SHOX: variants seen among roughly 807,000 people sequenced by gnomAD.
SHOX encodes SHOX homeobox.
SHOX carries 12 observed loss-of-function variants against 29.6 expected under a neutral mutation model. That is an observed-to-expected ratio of 0.41 (90% confidence interval 0.26 to 0.66). The LOEUF is 0.66. SHOX is among the 30% of genes least tolerant of loss of function. The pLI is 0.35. For synonymous variants in SHOX, 214 were observed against 200.6 expected (o/e 1.07, Z -0.57); for missense variants, 499 against 437.7 (o/e 1.14, Z -1.25).
At chrX:632,178 C>T (rs544848713) in intron 1 of SHOX, among the ~76,000 whole-genome samples, 1 of 152,114 alleles carries the variant, frequency 6.6e-6, no homozygotes, top group South Asian at 2.1e-4. Context: ...GGGAAGCTGG[C>T]GGCTTCGCGG....
chrX:644,641 C>T lies in SHOX; in HGVS notation c.*5C>T, dbSNP rs1288254860. The T allele has an allele frequency of 1.5e-5, 22 of 1,457,674 alleles. No individual in the cohort carries two copies. The highest frequency in any genetic ancestry group is 2.0e-5 in the Non-Finnish European group (22 of 1,113,792). The allele number at this position is 1,457,674 out of a possible 1,614,324, so 90.3% of individuals were successfully genotyped here. A position where few individuals can be genotyped will look rare whatever the true frequency, so the allele number is the denominator to read the frequency against. On this transcript the variant is annotated 3_prime_UTR_variant, in exon 5 of 5. Coordinates refer to ENST00000686671, the MANE Select transcript of SHOX (RefSeq NM_000451.4). Reference sequence around the variant, plus strand: ...GCGGAGGCCCTGGGGCTCTGACCCGCCGCGCAGCCCCCCGCGCGCCCGGAC... The same window carrying T: ...GCGGAGGCCCTGGGGCTCTGACCCGTCGCGCAGCCCCCCGCGCGCCCGGAC...
upstream of SHOX, among the ~76,000 whole-genome samples, chrX:628,459 ATC>A (rs1180069815): frequency 3.8e-5 from 1 of 26,104 alleles, no homozygotes; most frequent in Admixed American, 3.7e-4. Flanking sequence ...CTCTCTCTCC[ATC>A]TCTCTCTGTC....
chrX:652,400 G>A (rs1314782248), downstream of SHOX, among the ~76,000 whole-genome samples: 2 of 132,494 alleles, frequency 1.5e-5, no homozygotes, highest in Non-Finnish European at 1.5e-5. Context: ...GTTCATGATT[G>A]GATTTGGCCG....
downstream of SHOX, among the ~76,000 whole-genome samples, chrX:655,600 C>G (rs1603291606): frequency 1.8e-5 from 1 of 54,212 alleles, no homozygotes; most frequent in Non-Finnish European, 3.3e-5. Flanking sequence ...CTCTCTCTCT[C>G]TCTCTCTCTC....
intron 1 of SHOX, among the ~76,000 whole-genome samples, chrX:633,740 C>G (rs1375743310): frequency 6.6e-6 from 1 of 152,040 alleles, no homozygotes; most frequent in Non-Finnish European, 1.5e-5. Flanking sequence ...GAGATAGGAA[C>G]AGAGGGGCGT....
At chrX:632,124 T>G in intron 1 of SHOX, 1 of 389,572 alleles carries the variant, frequency 2.6e-6, no homozygotes, top group East Asian at 7.3e-5. Context: ...ACCACTCCCG[T>G]GAGCGGAGGT....
chrX:652,125 G>C (rs192512016), downstream of SHOX, among the ~76,000 whole-genome samples: 729 of 151,988 alleles, frequency 4.8e-3, 5 homozygotes, highest in Non-Finnish European at 7.1e-3. Context: ...GGGTTTCACC[G>C]TGTTGGTCAG....
rs749882186 is a variant in SHOX at position 637,714 on chromosome X, G to A, written c.486+2888G>A. Among the ~76,000 whole-genome samples, 4 of 152,182 alleles carry A rather than the reference G, an allele frequency of 2.6e-5. No homozygotes were observed. The South Asian group carries it at 6.2e-4, about 24-fold the overall frequency. ...CACCCACGTCCCGCGTTGAGGGGAC[G>A]GGGACGAGCAGGGACAGAAAAAGAA... On this transcript the variant is annotated intron_variant, in intron 2 of 4. Coordinates refer to ENST00000686671, the MANE Select transcript of SHOX (RefSeq NM_000451.4).
chrX:624,355 G>T (rs3813940), exon 1 of SHOX: 32,386 of 150,234 alleles, frequency 0.22, 3,681 homozygotes, highest in East Asian at 0.39. Context: ...GCCTGCTTTT[G>T]CCCGGGTCCT....
Position 639,132 on chromosome X carries a change from A to G in SHOX, c.487-1689A>G, listed in dbSNP as rs150441982. On this transcript the variant is annotated intron_variant, in intron 2 of 4. Coordinates refer to ENST00000686671, the MANE Select transcript of SHOX (RefSeq NM_000451.4). ...GGAGGTGAGAGGGGGTGGAATTTGC[A>G]TGCAAATCTTCACATGAGGCCTGTG... is the stretch of plus-strand genomic sequence containing the variant. Among the ~76,000 whole-genome samples the G allele has an allele frequency of 3.3e-3, 501 of 152,276 alleles. 4 individuals carry two copies. Among genetic ancestry groups the G allele is most frequent in the African/African-American group, 0.012 (485 of 41,552 alleles).
At chrX:625,643 G>A (rs2052513482) in intron 1 of SHOX, among the ~76,000 whole-genome samples, 1 of 138,450 alleles carries the variant, frequency 7.2e-6, no homozygotes, top group African/African-American at 2.8e-5. Flanking sequence ...CTCTATCTCT[G>A]TCTCTCTTTC....
At chrX:653,795 G>A (rs1244543317), downstream of SHOX, among the ~76,000 whole-genome samples, 1 of 152,052 alleles carries the variant, frequency 6.6e-6, no homozygotes, top group Non-Finnish European at 1.5e-5. Flanking sequence ...GCTTCTGTTG[G>A]TGTTAGACTT....
At position 634,704 on chromosome X, in the gene SHOX, A is replaced by G; in HGVS notation, c.364A>G (p.Thr122Ala). The stretch of plus-strand genomic sequence containing the variant: ...CAAGCTGAAACAGAGGCGCAGCCGC[A>G]CCAACTTCACGCTGGAGCAGCTGAA... ...QTKLKQRRSR[T>A]NFTLEQLNEL... The change falls in exon 2 of 5, where the codon ACC (threonine) becomes GCC (alanine). Residue 122 changes from threonine to alanine, a missense_variant. Physicochemically the swap from Thr to Ala is moderately conservative, Grantham distance 58. Transcript: ENST00000686671. 6.2e-7 allele frequency: 1 copy of G among 1,613,814 alleles called. No individual in the cohort carries two copies.
chrX:625,106 T>C (rs940833401), intron 1 of SHOX, among the ~76,000 whole-genome samples: 19 of 74,624 alleles, frequency 2.5e-4, no homozygotes, highest in Admixed American at 1.5e-3. Flanking sequence ...TCCCTTTCTT[T>C]CTTCTTTCTT....
At chrX:635,010 G>A (rs1010415527) in intron 2 of SHOX, among the ~76,000 whole-genome samples, 184 bp downstream of exon 2, 1 of 152,078 alleles carries the variant, frequency 6.6e-6, no homozygotes, top group African/African-American at 2.4e-5. Context: ...TGTAGGATGG[G>A]TTCATTGCGT....
downstream of SHOX, among the ~76,000 whole-genome samples, chrX:651,833 C>T (rs1383804580): frequency 6.6e-6 from 1 of 151,918 alleles, no homozygotes; most frequent in Non-Finnish European, 1.5e-5. Flanking sequence ...AGCCAACGTC[C>T]CCCCAGAAGG....
intron 5 of SHOX, among the ~76,000 whole-genome samples, chrX:658,444 G>A (rs955006160): frequency 1.3e-5 from 2 of 151,604 alleles, no homozygotes; most frequent in Admixed American, 6.6e-5. Context: ...TGCAATATTA[G>A]GATAAGGCAT....
rs1382709540 is a variant in SHOX, at chrX:650,981, G to T, written c.*6345G>T. Reference sequence around the variant, plus strand: ...AGACAATATCCCGTTTCAAAGCTATGAAATGTGCTATTTATTGAAAGGGGA... The same window carrying T: ...AGACAATATCCCGTTTCAAAGCTATTAAATGTGCTATTTATTGAAAGGGGA... On this transcript the variant is annotated 3_prime_UTR_variant, in exon 5 of 5. Transcript: ENST00000686671. Among the ~76,000 whole-genome samples, 1 of 152,040 alleles carries T rather than the reference G, an allele frequency of 6.6e-6. No homozygotes were observed. The highest frequency in any genetic ancestry group is 1.5e-5 in the Non-Finnish European group (1 of 68,006).
chrX:631,231 C>T (rs2052643325), intron 1 of SHOX, 57 bp downstream of exon 1: 1 of 1,596,102 alleles, frequency 6.3e-7, no homozygotes, highest in Non-Finnish European at 8.6e-7. Flanking sequence ...GGCGCCTCCT[C>T]GCCACGGAGT....
Sources: gnomAD v4.1 joint callset for allele counts (sites outside exome capture counted in the v4.1 genomes callset) on GRCh38, gnomAD v4.1.1 for gene constraint, MANE v1.5 for transcripts, NCBI Gene and HGNC (gene_info 2026-07-23, HGNC 2026-07-21) for gene names.